Variants in SGPP2 observed in about 807,000 individuals in gnomAD.
SGPP2 encodes sphingosine 1-phosphate phosphohydrolase 2.
A neutral mutation model predicts 33.9 loss-of-function variants in SGPP2; 30 were observed. The ratio of observed to expected loss-of-function variants is 0.89; its 90% CI spans 0.66 to 1.20. The LOEUF is 1.20. Among genes scored for constraint, SGPP2 ranks in the 50% most tolerant of loss-of-function variants. The pLI is 0.00. For missense variants in SGPP2, 458 were observed against 532.1 expected (o/e 0.86, Z 1.37); for synonymous variants, 233 against 225.0 (o/e 1.04, Z -0.32).
At chr2:222,503,164 T>G (rs1352550295) in intron 2 of SGPP2, among the ~76,000 whole-genome samples, 2 of 152,196 alleles carry the variant, frequency 1.3e-5, no homozygotes, top group African/African-American at 4.8e-5. Context: ...ATTTAGATTA[T>G]GTAGCCCATT....
chr2:222,430,560 C>G (rs1697138511), intron 1 of SGPP2, among the ~76,000 whole-genome samples: 1 of 152,172 alleles, frequency 6.6e-6, no homozygotes, highest in Non-Finnish European at 1.5e-5. Context: ...CTCAAGCGAT[C>G]CTCCTGCCTT....
intron 2 of SGPP2, chr2:222,498,382 G>A (rs1698312779): frequency 6.6e-6 from 1 of 152,092 alleles, no homozygotes; most frequent in South Asian, 2.1e-4. Context: ...TCAATTCATG[G>A]AGCATTCCAT....
intron 1 of SGPP2, among the ~76,000 whole-genome samples, chr2:222,452,247 C>G (rs548809022): frequency 6.6e-6 from 1 of 152,082 alleles, no homozygotes; most frequent in East Asian, 1.9e-4. Context: ...TCAACCATAC[C>G]CCACCCTCCA....
intron 3 of SGPP2, among the ~76,000 whole-genome samples, chr2:222,522,726 T>C (rs1326070711): frequency 3.3e-5 from 5 of 152,224 alleles, no homozygotes; most frequent in African/African-American, 1.2e-4. Context: ...TTGCTGGGGC[T>C]GGAGTGCAGT....
chr2:222,468,231 C>T (rs1041038447), intron 1 of SGPP2, among the ~76,000 whole-genome samples: 21 of 151,860 alleles, frequency 1.4e-4, no homozygotes, highest in South Asian at 1.2e-3. Flanking sequence ...TGTGGCAGGG[C>T]GGGGAGCGGC....
intron 2 of SGPP2, among the ~76,000 whole-genome samples, chr2:222,501,577 C>T (rs1698366707): frequency 6.6e-6 from 1 of 152,174 alleles, no homozygotes; most frequent in African/African-American, 2.4e-5. Flanking sequence ...TAAAATCAGA[C>T]TCTTGGTCAG....
At chr2:222,524,219 A>G (rs1698725120) in intron 3 of SGPP2, among the ~76,000 whole-genome samples, 1 of 152,274 alleles carries the variant, frequency 6.6e-6, no homozygotes, top group Admixed American at 6.5e-5. Flanking sequence ...TAAAGGAGAT[A>G]GTATAAAGTG....
Position 222,558,471 on chromosome 2 carries a change from T to C in SGPP2, c.773T>C (p.Phe258Ser). 6.2e-7 allele frequency: 1 copy of C among 1,614,140 alleles called. No individual in the cohort carries two copies. The highest frequency in any genetic ancestry group is 1.7e-5 in the Admixed American group (1 of 60,020). Reference protein sequence around the residue: ...LFPVCVIVVPFFLCYNYPVSD... With the variant: ...LFPVCVIVVPSFLCYNYPVSD... ...CCCGTGTGTGTCATAGTTGTGCCAT[T>C]CTTCCTGTGTTACAATTACCCTGTT... Residue 258 changes from phenylalanine (F) to serine (S), a missense_variant, in exon 5 of 5, where the codon TTC becomes TCC. By Grantham distance (155) the Phe-to-Ser change is radical. Coordinates refer to ENST00000321276, the MANE Select transcript of SGPP2 (RefSeq NM_152386.4).
At chr2:222,443,631 G>A (rs1232023481) in intron 1 of SGPP2, among the ~76,000 whole-genome samples, 1 of 152,310 alleles carries the variant, frequency 6.6e-6, no homozygotes, top group Middle Eastern at 3.4e-3. Context: ...GTTGTGCCAA[G>A]AGTAGATATT....
At chr2:222,505,089 A>T (rs1698425121) in intron 2 of SGPP2, among the ~76,000 whole-genome samples, 1 of 152,248 alleles carries the variant, frequency 6.6e-6, no homozygotes. Context: ...ATCTAAATAC[A>T]TTCAGCTTCA....
chr2:222,462,076 G>A (rs1469344434), intron 1 of SGPP2, among the ~76,000 whole-genome samples: 5 of 152,264 alleles, frequency 3.3e-5, no homozygotes, highest in Admixed American at 6.5e-5. Context: ...CTGAGCTGTG[G>A]TCCTTGAGAG....
chr2:222,494,175 C>G (rs1471646741), intron 2 of SGPP2, among the ~76,000 whole-genome samples: 3 of 152,172 alleles, frequency 2.0e-5, no homozygotes, highest in Admixed American at 6.5e-5. Context: ...TGGAACACTC[C>G]TTCTATTTTA....
At chr2:222,448,424 C>T (rs1389649141) in intron 1 of SGPP2, among the ~76,000 whole-genome samples, 1 of 152,162 alleles carries the variant, frequency 6.6e-6, no homozygotes, top group Non-Finnish European at 1.5e-5. Context: ...GCTCTGGAGT[C>T]CAACTGATTG....
chr2:222,439,864 T>C (rs567222392), intron 1 of SGPP2, among the ~76,000 whole-genome samples: 1 of 152,184 alleles, frequency 6.6e-6, no homozygotes, highest in South Asian at 2.1e-4. Flanking sequence ...ATTGCACAAG[T>C]CTGCACTTGT....
chr2:222,533,274 G>C (rs1416148358), intron 4 of SGPP2, among the ~76,000 whole-genome samples: 1 of 152,144 alleles, frequency 6.6e-6, no homozygotes, highest in Non-Finnish European at 1.5e-5. Flanking sequence ...TCCCTTTGGA[G>C]TGCCACCATT....
chr2:222,506,286 A>G (rs147368777), intron 2 of SGPP2, among the ~76,000 whole-genome samples: 242 of 152,362 alleles, frequency 1.6e-3, no homozygotes, highest in Admixed American at 0.013. Flanking sequence ...GCAACACTGT[A>G]AACTTTGAAT....
chr2:222,487,500 G>T (rs1160269633), intron 2 of SGPP2, among the ~76,000 whole-genome samples: 2 of 152,126 alleles, frequency 1.3e-5, no homozygotes, highest in African/African-American at 4.8e-5. Flanking sequence ...AAATACTGGT[G>T]GTGATGCATC....
At chr2:222,480,447 G>A (rs1698012195) in intron 2 of SGPP2, among the ~76,000 whole-genome samples, 1 of 152,192 alleles carries the variant, frequency 6.6e-6, no homozygotes, top group South Asian at 2.1e-4. Flanking sequence ...TGAAAGTAAG[G>A]AGAGCACAGA....
intron 2 of SGPP2, among the ~76,000 whole-genome samples, chr2:222,502,256 T>C (rs1490283507): frequency 6.6e-6 from 1 of 152,224 alleles, no homozygotes; most frequent in Non-Finnish European, 1.5e-5. Context: ...CCATATCCCC[T>C]TCTTGTTACA....
Sources: gnomAD v4.1 joint callset for allele counts (sites outside exome capture counted in the v4.1 genomes callset) on GRCh38, gnomAD v4.1.1 for gene constraint, MANE v1.5 for transcripts, NCBI Gene and HGNC (gene_info 2026-07-23, HGNC 2026-07-21) for gene names.